Variants in CAPS2 observed in about 807,000 individuals in gnomAD.
The protein encoded by CAPS2 is calcyphosin-2.
In CAPS2, 98 loss-of-function variants were observed where a neutral mutation model predicts 86.5. That is an observed-to-expected ratio of 1.13 (90% CI 0.96 to 1.34). The LOEUF (loss-of-function observed/expected upper bound fraction) is 1.34. Among genes scored for constraint, CAPS2 ranks in the 40% most tolerant of loss-of-function variants. The pLI, the probability that CAPS2 is intolerant of heterozygous loss-of-function variation, is 0.00. For synonymous variants in CAPS2, 210 were observed against 225.1 expected (o/e 0.93, Z 0.60); for missense variants, 729 against 686.8 (o/e 1.06, Z -0.69).
chr12:75,295,995 A>G (rs1414868104), intron 11 of CAPS2, among the ~76,000 whole-genome samples: 1 of 152,236 alleles, frequency 6.6e-6, no homozygotes, highest in Non-Finnish European at 1.5e-5. Flanking sequence ...AGAATCTGCA[A>G]TTCAGATTGG....
intron 1 of CAPS2, among the ~76,000 whole-genome samples, chr12:75,356,123 C>T (rs376940722): frequency 2.0e-5 from 3 of 151,604 alleles, no homozygotes; most frequent in African/African-American, 7.3e-5. Flanking sequence ...GCATTTTTAC[C>T]CTGGAACTTA....
intron 1 of CAPS2, among the ~76,000 whole-genome samples, chr12:75,389,648 C>T (rs1404089545): frequency 6.6e-6 from 1 of 152,144 alleles, no homozygotes; most frequent in Non-Finnish European, 1.5e-5. Flanking sequence ...ATACTTCTAG[C>T]GTTTAGGATC....
intron 15 of CAPS2, among the ~76,000 whole-genome samples, chr12:75,283,969 A>C (rs987896302): frequency 1.3e-5 from 2 of 152,220 alleles, no homozygotes; most frequent in African/African-American, 2.4e-5. Flanking sequence ...TCTAACCTCC[A>C]GAGCTATGAG....
chr12:75,289,614 C>T lies in CAPS2; in HGVS notation c.1395+7G>A. The stretch of plus-strand genomic sequence containing the variant: ...ATCTGCTGCAGAGAATTTTCTGTAG[C>T]ACATACCTTTTCAGACACTTCTAAG... On this transcript the variant is annotated splice_region_variant and intron_variant, in intron 14 of 16. Coordinates refer to ENST00000393284, the Ensembl canonical transcript of CAPS2. 1 of 1,606,528 alleles carries T rather than the reference C, an allele frequency of 6.2e-7. No individual in the cohort carries two copies. The highest frequency in any genetic ancestry group is 8.5e-7 in the Non-Finnish European group (1 of 1,177,348).
intron 1 of CAPS2, among the ~76,000 whole-genome samples, chr12:75,383,212 G>T (rs2045098936): frequency 6.6e-6 from 1 of 152,174 alleles, no homozygotes; most frequent in Non-Finnish European, 1.5e-5. Context: ...AATGGGAGCT[G>T]ATTCACTGAC....
exon 8 of CAPS2, chr12:75,304,859 G>A (rs1347327705): frequency 6.2e-7 from 1 of 1,611,156 alleles, no homozygotes; most frequent in Non-Finnish European, 8.5e-7. Flanking sequence ...ATTTTGCTCT[G>A]GATCACTGAT....
At position 75,356,464 on chromosome 12, in the gene CAPS2, C is replaced by T. The variant is rs183981025; in HGVS notation, c.-394-33242G>A. Among the ~76,000 whole-genome samples, 11 of 152,070 alleles carry T rather than the reference C, an allele frequency of 7.2e-5. No individual in the cohort carries two copies. In the East Asian group the frequency reaches 1.2e-3, roughly 16 times the overall value. On this transcript the variant is annotated intron_variant, in intron 1 of 5. Transcript: ENST00000551829. ...AAGTTCTTCTAATCCATGTGAAGTG[C>T]GATAATCTAACTTGATCGTGATAAG...
At chr12:75,311,724 CAAA>C (rs1188952105) in intron 7 of CAPS2, among the ~76,000 whole-genome samples, 6 of 15,654 alleles carry the variant, frequency 3.8e-4, no homozygotes, top group Non-Finnish European at 1.3e-4. Flanking sequence ...AAAAAAAAAA[CAAA>C]AAAAAAAAAA....
intron 1 of CAPS2, among the ~76,000 whole-genome samples, chr12:75,372,080 T>A (rs1391544687): frequency 1.3e-5 from 2 of 152,214 alleles, no homozygotes; most frequent in African/African-American, 4.8e-5. Flanking sequence ...AGTGGCACGA[T>A]CTTGGCTCAC....
intron 1 of CAPS2, among the ~76,000 whole-genome samples, chr12:75,380,275 C>T (rs1593930090): frequency 1.3e-5 from 2 of 152,104 alleles, no homozygotes; most frequent in South Asian, 2.1e-4. Flanking sequence ...AGATGGTTTG[C>T]TTAGTTAAAA....
At chr12:75,318,975 G>A (rs2040048578) in intron 5 of CAPS2, among the ~76,000 whole-genome samples, 1 of 151,882 alleles carries the variant, frequency 6.6e-6, no homozygotes, top group Admixed American at 6.6e-5. Flanking sequence ...TTTTTAGAGT[G>A]AAAAAAGAGG....
rs1220056391 is a variant in CAPS2 at position 75,362,131 on chromosome 12, CAA to C, written c.-395+28705_-395+28706del. Among the ~76,000 whole-genome samples the C allele has an allele frequency of 3.9e-5, 6 of 152,126 alleles. No individual in the cohort carries two copies. The East Asian group carries it at 1.2e-3, about 29-fold the overall frequency. On this transcript the variant is annotated intron_variant, in intron 1 of 5. Coordinates refer to the CAPS2 transcript ENST00000551829. ...CAACAATAATAACAGCAACAATTAT[CAA>C]ATAAAGGATGTACCCTGGAATATAG...
upstream of CAPS2, among the ~76,000 whole-genome samples, chr12:75,333,259 C>CACAT (rs1555213911): frequency 4.0e-5 from 6 of 151,776 alleles, no homozygotes; most frequent in Non-Finnish European, 7.4e-5. Flanking sequence ...GACACACACA[C>CACAT]ATATATGTGT....
At chr12:75,306,215 G>T in intron 7 of CAPS2, 1 of 689,254 alleles carries the variant, frequency 1.5e-6, no homozygotes. Context: ...GTGTTCCCGG[G>T]CCAGCCGCGA....
intron 11 of CAPS2, chr12:75,295,145 A>AAAC (rs748864563): frequency 2.0e-5 from 3 of 152,222 alleles, no homozygotes; most frequent in East Asian, 1.9e-4. Context: ...TGAAAAAGAA[A>AAAC]AACAACAACA....
At chr12:75,384,699 G>GA (rs1368031380) in intron 1 of CAPS2, among the ~76,000 whole-genome samples, 1 of 151,634 alleles carries the variant, frequency 6.6e-6, no homozygotes, top group African/African-American at 2.4e-5. Context: ...AACATTACAA[G>GA]AAAAAAAATA....
At chr12:75,276,938 T>C (rs189074325), downstream of CAPS2, 8 of 984,720 alleles carry the variant, frequency 8.1e-6, no homozygotes, top group East Asian at 5.7e-4. Context: ...ATGTTTGAAA[T>C]GTCACTTCTC....
At chr12:75,332,491 C>A (rs150045637), upstream of CAPS2, among the ~76,000 whole-genome samples, 503 of 152,182 alleles carry the variant, frequency 3.3e-3, 9 homozygotes, top group Admixed American at 0.031. Context: ...TTCAAATATA[C>A]CCAGTGTTAG....
exon 17 of CAPS2, chr12:75,278,796 T>C: frequency 7.4e-7 from 1 of 1,352,994 alleles, no homozygotes; most frequent in Non-Finnish European, 9.5e-7. Flanking sequence ...AAGGAAGTCC[T>C]AGGAAAATAT....
Sources: allele counts gnomAD v4.1 joint callset (sites outside exome capture counted in the v4.1 genomes callset), GRCh38; gene constraint gnomAD v4.1.1; transcripts MANE v1.5; gene names NCBI Gene and HGNC (gene_info 2026-07-23, HGNC 2026-07-21).